The following MXRA7 variants were observed in gnomAD, a reference collection of about 807,000 sequenced individuals.
MXRA7 encodes the protein matrix-remodeling-associated protein 7.
In MXRA7, 18 loss-of-function variants were observed where a neutral mutation model predicts 17.4. That is an observed-to-expected ratio of 1.03 (90% CI 0.71 to 1.53). The LOEUF is 1.53. Ranked by LOEUF, MXRA7 falls within the 40% of genes most tolerant of loss-of-function variation. MXRA7 has a pLI of 0.00. For synonymous variants in MXRA7, 70 were observed against 101.7 expected (o/e 0.69, Z 1.87); for missense variants, 141 against 209.3 (o/e 0.67, Z 2.01).
At position 76,700,723 on chromosome 17, in the gene MXRA7, G is replaced by A. The variant is rs573219343; in HGVS notation, c.342+9882C>T. Reference sequence around the variant, plus strand: ...CTCTCCGGAACAGGCGTTCCACTGCGGCAGACAAGCCACACTGAAATAAAA... The same window carrying A: ...CTCTCCGGAACAGGCGTTCCACTGCAGCAGACAAGCCACACTGAAATAAAA... On this transcript the variant is annotated intron_variant, in intron 1 of 3. Transcript: ENST00000449428. Among the ~76,000 whole-genome samples, 155 of 152,356 alleles carry A rather than the reference G, an allele frequency of 1.0e-3. 2 individuals carry two copies. The highest frequency in any genetic ancestry group is 8.7e-3 in the Admixed American group (133 of 15,306).
intron 1 of MXRA7, among the ~76,000 whole-genome samples, chr17:76,699,260 C>G (rs1018959597): frequency 2.0e-5 from 3 of 152,184 alleles, no homozygotes; most frequent in African/African-American, 7.2e-5. Context: ...ACCCTCCCCC[C>G]TCAGCCTCCT....
At chr17:76,699,754 G>C (rs1018926258) in intron 1 of MXRA7, among the ~76,000 whole-genome samples, 1 of 152,138 alleles carries the variant, frequency 6.6e-6, no homozygotes, top group African/African-American at 2.4e-5. Flanking sequence ...TCCTCTGTCT[G>C]GGCAGGGGTC....
rs3078394 is a variant in MXRA7 at position 76,698,712 on chromosome 17, G to GTT, written c.343-10538_343-10537dup. Among the ~76,000 whole-genome samples the GTT allele has an allele frequency of 1.1e-3, 62 of 54,914 alleles. 2 individuals are homozygous for GTT. Among genetic ancestry groups the GTT allele is most frequent in the African/African-American group, 3.7e-3 (57 of 15,202 alleles). 36.0% of individuals were successfully genotyped at this position (54,914 alleles called of 152,430 possible). A position where few individuals can be genotyped will look rare whatever the true frequency, so the allele number is the denominator to read the frequency against. Reference sequence around the variant, plus strand: ...TTCCAACCTGACTTCCTTCCTTTCTGTTTTTTTTTTTTTTTTTTTTTTTTT... The same window carrying GTT: ...TTCCAACCTGACTTCCTTCCTTTCTGTTTTTTTTTTTTTTTTTTTTTTTTTTT... On this transcript the variant is annotated intron_variant, in intron 1 of 3. Coordinates refer to ENST00000449428, the MANE Select transcript of MXRA7 (RefSeq NM_198530.4).
rs2076712398 is a variant in MXRA7, at chr17:76,710,742, C to G, written c.205G>C (p.Ala69Pro). Residue 69 changes from alanine (A) to proline (P), a missense_variant, in exon 1 of 4, where the codon GCG (alanine) becomes CCG (proline). By Grantham distance (27) the Ala-to-Pro change is conservative. Coordinates refer to ENST00000449428, the MANE Select transcript of MXRA7 (RefSeq NM_198530.4). ...PCAPEPAASP[A>P]GPEEPGEPAG... is the part of the protein sequence containing the mutation. Reference sequence around the variant, plus strand: ...GGCTCTCCAGGCTCCTCCGGCCCCGCGGGCGAGGCCGCCGGCTCGGGGGCG... The same window carrying G: ...GGCTCTCCAGGCTCCTCCGGCCCCGGGGGCGAGGCCGCCGGCTCGGGGGCG... 1 of 1,107,780 alleles carries G rather than the reference C, an allele frequency of 9.0e-7. No individual in the cohort carries two copies. Among genetic ancestry groups the G allele is most frequent in the Non-Finnish European group, 1.1e-6 (1 of 898,026 alleles). The allele number at this position is 1,107,780 out of a possible 1,614,324, so 68.6% of individuals were successfully genotyped here. A position where few individuals can be genotyped will look rare whatever the true frequency, so the allele number is the denominator to read the frequency against.
intron 3 of MXRA7, among the ~76,000 whole-genome samples, chr17:76,684,408 C>T (rs901755691): frequency 2.0e-4 from 31 of 152,134 alleles, no homozygotes; most frequent in African/African-American, 7.2e-4. Context: ...GAGCCTGCTG[C>T]GCCTGGTGCA....
At chr17:76,691,031 G>GT (rs2076474290) in intron 1 of MXRA7, among the ~76,000 whole-genome samples, 2 of 152,170 alleles carry the variant, frequency 1.3e-5, no homozygotes, top group Admixed American at 6.5e-5. Flanking sequence ...TTCTAATGAG[G>GT]TAACTCCTGG....
intron 1 of MXRA7, among the ~76,000 whole-genome samples, chr17:76,702,497 A>ATAAG (rs1313898068): frequency 6.6e-6 from 1 of 151,188 alleles, no homozygotes; most frequent in Non-Finnish European, 1.5e-5. Flanking sequence ...CTCTAAATAA[A>ATAAG]TAAGTAAATA....
intron 1 of MXRA7, among the ~76,000 whole-genome samples, chr17:76,698,369 G>GAGCATCAGCTGCA (rs1366866364): frequency 1.1e-4 from 17 of 152,118 alleles, no homozygotes; most frequent in African/African-American, 4.1e-4. Context: ...TGGGCGGGGG[G>GAGCATCAGCTGCA]GGAGCAGCAA....
intron 3 of MXRA7, among the ~76,000 whole-genome samples, chr17:76,682,699 C>T (rs1339208709): frequency 2.0e-5 from 3 of 152,124 alleles, no homozygotes; most frequent in African/African-American, 4.8e-5. Flanking sequence ...GCAGATGCCA[C>T]CGGCATGCCT....
Position 76,710,796 on chromosome 17 carries a change from T to G in MXRA7, c.151A>C (p.Thr51Pro), listed in dbSNP as rs2076713660. The change falls in exon 1 of 4, where the codon ACC (threonine) becomes CCC (proline). Residue 51 changes from threonine (T) to proline (P), a missense_variant. Thr to Pro is a conservative substitution (Grantham distance 38). Around this residue, in one of 3 missense-constraint regions of MXRA7, gnomAD observed 72 missense variants for 111.9 expected, o/e 0.64. Coordinates refer to ENST00000449428, the MANE Select transcript of MXRA7 (RefSeq NM_198530.4). The stretch of plus-strand genomic sequence containing the variant: ...GGGCGGGACGGCGCCGGGGCCCCGG[T>G]GGCCTCGGCCGGGGGCGCGGGTTCC... ...PPEPAPPAEA[T>P]GAPAPSRPCA... 1.1e-6 allele frequency: 1 copy of G among 943,632 alleles called. No homozygotes were observed. The highest frequency in any genetic ancestry group is 1.8e-5 in the African/African-American group (1 of 54,980). 58.5% of individuals were successfully genotyped at this position (943,632 alleles called of 1,614,324 possible).
intron 1 of MXRA7, among the ~76,000 whole-genome samples, chr17:76,700,889 G>A (rs1429345769): frequency 6.6e-6 from 1 of 152,108 alleles, no homozygotes; most frequent in African/African-American, 2.4e-5. Context: ...AGAGAGGTGA[G>A]GACCGACTGC....
intron 1 of MXRA7, among the ~76,000 whole-genome samples, chr17:76,702,073 G>C (rs914052740): frequency 3.9e-5 from 6 of 152,232 alleles, no homozygotes; most frequent in Admixed American, 1.3e-4. Flanking sequence ...GCTACATTTT[G>C]AGATAGAGAA....
chr17:76,697,166 G>A (rs775661262), intron 1 of MXRA7, among the ~76,000 whole-genome samples: 2 of 152,134 alleles, frequency 1.3e-5, no homozygotes, highest in African/African-American at 4.8e-5. Flanking sequence ...AAGCCATTAG[G>A]GTGGGCCCTA....
At chr17:76,698,739 T>G (rs2076561975) in intron 1 of MXRA7, among the ~76,000 whole-genome samples, 1 of 73,306 alleles carries the variant, frequency 1.4e-5, no homozygotes, top group African/African-American at 4.8e-5. Flanking sequence ...TTTTTTTTTT[T>G]GAGATAAGAG....
At chr17:76,699,941 G>C (rs759186853) in intron 1 of MXRA7, among the ~76,000 whole-genome samples, 2 of 152,172 alleles carry the variant, frequency 1.3e-5, no homozygotes, top group Non-Finnish European at 2.9e-5. Context: ...AAGGGATCCA[G>C]TGTTTTATTA....
Position 76,688,146 on chromosome 17 carries a change from C to T in MXRA7, c.373G>A (p.Gly125Arg). 6.2e-7 allele frequency: 1 copy of T among 1,614,142 alleles called. No individual in the cohort carries two copies. Among genetic ancestry groups the T allele is most frequent in the African/African-American group, 1.3e-5 (1 of 75,060 alleles). The stretch of plus-strand genomic sequence containing the variant: ...TCCTCAGGCCCTTCCGATGATGGCC[C>T]CTTCTCACCATCCAAGTCCTGCTCC... ...EEEQDLDGEK[G>R]PSSEGPEEED... The change falls in exon 2 of 4, where the codon GGG (glycine) becomes AGG (arginine). Residue 125 changes from glycine (G) to arginine (R), a missense_variant. By Grantham distance (125) the Gly-to-Arg change is moderately radical (BLOSUM62 -2). Around this residue, in one of 3 missense-constraint regions of MXRA7, gnomAD observed 67 missense variants for 80.3 expected, o/e 0.83. Transcript: ENST00000449428.
At chr17:76,707,169 A>G (rs191553293) in intron 1 of MXRA7, among the ~76,000 whole-genome samples, 26 of 152,318 alleles carry the variant, frequency 1.7e-4, no homozygotes, top group Admixed American at 1.7e-3. Context: ...GGAGAATCCA[A>G]TCAAGGATCA....
chr17:76,686,337 G>T (rs916164424), intron 2 of MXRA7, among the ~76,000 whole-genome samples: 2 of 152,044 alleles, frequency 1.3e-5, no homozygotes, highest in African/African-American at 4.8e-5. Context: ...AAAATTAGCC[G>T]GGCGTGGTGG....
intron 1 of MXRA7, among the ~76,000 whole-genome samples, chr17:76,695,560 A>G (rs1229338176): frequency 6.6e-6 from 1 of 152,126 alleles, no homozygotes; most frequent in South Asian, 2.1e-4. Flanking sequence ...AGGAGTGTGC[A>G]CGGTGGGGGC....
Sources: gnomAD v4.1 joint callset for allele counts (sites outside exome capture counted in the v4.1 genomes callset) on GRCh38, gnomAD v4.1.1 for gene constraint, gnomAD v4.1.1 regional missense constraint, MANE v1.5 for transcripts, NCBI Gene and HGNC (gene_info 2026-07-23, HGNC 2026-07-21) for gene names.